The following SEMA3E variants were observed in gnomAD, a reference collection of about 807,000 sequenced individuals.
SEMA3E encodes semaphorin-3E.
SEMA3E carries 49 observed loss-of-function variants against 93.6 expected under a neutral mutation model. The observed-to-expected ratio is 0.52, with a 90% CI of 0.42 to 0.66. The LOEUF is 0.66. Ranked by LOEUF, SEMA3E falls within the 30% of genes least tolerant of loss-of-function variation. The probability of loss-of-function intolerance (pLI) is 0.00; values close to 1 mark genes in which losing one functional copy is unlikely to be tolerated. For synonymous variants in SEMA3E, 363 were observed against 330.7 expected, an observed-to-expected ratio of 1.10 and a Z score of -1.06; for missense variants, 906 against 964.8, an observed-to-expected ratio of 0.94 and a Z score of 0.81.
intron 1 of SEMA3E, among the ~76,000 whole-genome samples, chr7:83,540,129 C>T (rs544181825): frequency 7.2e-5 from 11 of 152,250 alleles, no homozygotes; most frequent in African/African-American, 2.4e-4. Flanking sequence ...TTGATCCACC[C>T]TCGTCGGCCT....
chr7:83,416,566 A>G (rs1788544494), intron 5 of SEMA3E, among the ~76,000 whole-genome samples: 1 of 152,092 alleles, frequency 6.6e-6, no homozygotes, highest in Non-Finnish European at 1.5e-5. Flanking sequence ...GAAGCAGCAT[A>G]TACTGTGTAA....
chr7:83,640,444 C>G (rs770978855), intron 1 of SEMA3E, among the ~76,000 whole-genome samples: 3 of 152,186 alleles, frequency 2.0e-5, no homozygotes, highest in Non-Finnish European at 4.4e-5. Flanking sequence ...TTCCTCTCCT[C>G]TCCAATTGCC....
chr7:83,563,584 G>C (rs545954930), intron 1 of SEMA3E, among the ~76,000 whole-genome samples: 2 of 152,284 alleles, frequency 1.3e-5, no homozygotes, highest in South Asian at 4.1e-4. Context: ...GTGGGGCCCA[G>C]CATGCTGGGT....
intron 1 of SEMA3E, among the ~76,000 whole-genome samples, chr7:83,573,455 A>G (rs1421929700): frequency 3.9e-5 from 6 of 152,116 alleles, no homozygotes; most frequent in Non-Finnish European, 7.4e-5. Flanking sequence ...AAATTTTCAT[A>G]GGAAATATTG....
intron 1 of SEMA3E, among the ~76,000 whole-genome samples, chr7:83,527,199 T>C (rs577697123): frequency 6.8e-6 from 1 of 147,782 alleles, no homozygotes; most frequent in African/African-American, 2.4e-5. Context: ...GAAAAAAAGG[T>C]TTTTTTCTCT....
At chr7:83,561,395 C>T (rs958054530) in intron 1 of SEMA3E, among the ~76,000 whole-genome samples, 4 of 152,070 alleles carry the variant, frequency 2.6e-5, no homozygotes, top group African/African-American at 9.7e-5. Flanking sequence ...TACCTATCTT[C>T]CTTCCAAAAT....
chr7:83,511,415 T>A (rs978789490), intron 1 of SEMA3E, among the ~76,000 whole-genome samples: 1 of 152,138 alleles, frequency 6.6e-6, no homozygotes, highest in African/African-American at 2.4e-5. Context: ...CCCCAATGAT[T>A]ACAGTCCTCT....
intron 16 of SEMA3E, among the ~76,000 whole-genome samples, chr7:83,384,386 C>A (rs777314546): frequency 6.6e-6 from 1 of 152,048 alleles, no homozygotes; most frequent in Non-Finnish European, 1.5e-5. Context: ...AGAGACAGGT[C>A]TCTAGAGCTT....
At chr7:83,431,085 GA>G (rs901592692) in intron 4 of SEMA3E, among the ~76,000 whole-genome samples, 2 of 4,806 alleles carry the variant, frequency 4.2e-4, no homozygotes, top group South Asian at 8.8e-3. Flanking sequence ...CCAAAAAAAA[GA>G]AAAAAAAGAA....
At chr7:83,462,497 T>TC (rs1302906565) in intron 4 of SEMA3E, among the ~76,000 whole-genome samples, 1 of 151,878 alleles carries the variant, frequency 6.6e-6, no homozygotes, top group African/African-American at 2.4e-5. Context: ...TGCTGCCTTT[T>TC]CCCCCAGTTC....
chr7:83,531,226 T>G (rs2115725986), intron 1 of SEMA3E, among the ~76,000 whole-genome samples: 1 of 151,946 alleles, frequency 6.6e-6, no homozygotes, highest in East Asian at 1.9e-4. Context: ...AGTATAAATA[T>G]TTATTTCTAC....
At chr7:83,417,836 C>G (rs997395448) in intron 5 of SEMA3E, among the ~76,000 whole-genome samples, 11 of 152,076 alleles carry the variant, frequency 7.2e-5, no homozygotes, top group African/African-American at 2.7e-4. Flanking sequence ...TTTATCAACT[C>G]ATGTCATTAT....
At chr7:83,562,257 T>C (rs988304790) in intron 1 of SEMA3E, among the ~76,000 whole-genome samples, 1 of 152,024 alleles carries the variant, frequency 6.6e-6, no homozygotes, top group African/African-American at 2.4e-5. Flanking sequence ...TTTTTTGTGA[T>C]TTTTTTCAGT....
chr7:83,374,567 A>G (rs1794795369), intron 16 of SEMA3E, among the ~76,000 whole-genome samples: 1 of 152,206 alleles, frequency 6.6e-6, no homozygotes, highest in Non-Finnish European at 1.5e-5. Flanking sequence ...AGAGCAATGT[A>G]TGCATGCTAT....
At chr7:83,620,533 A>G (rs42015) in intron 1 of SEMA3E, among the ~76,000 whole-genome samples, 43,447 of 151,856 alleles carry the variant, frequency 0.29, 6,811 homozygotes, top group South Asian at 0.35. Flanking sequence ...AATCTGGCAG[A>G]GATACAACAA....
chr7:83,600,377 T>G (rs1041016027), intron 1 of SEMA3E, among the ~76,000 whole-genome samples: 1 of 151,012 alleles, frequency 6.6e-6, no homozygotes, highest in Non-Finnish European at 1.5e-5. Context: ...TGGAGTGCAA[T>G]GGTGCTATCT....
chr7:83,419,061 C>T (rs1788620292), intron 4 of SEMA3E, among the ~76,000 whole-genome samples: 1 of 151,772 alleles, frequency 6.6e-6, no homozygotes, highest in African/African-American at 2.4e-5. Context: ...TCATCCCCCT[C>T]CAGTGGTCTC....
At chr7:83,596,050 T>C (rs556070191) in intron 1 of SEMA3E, among the ~76,000 whole-genome samples, 1 of 152,230 alleles carries the variant, frequency 6.6e-6, no homozygotes, top group South Asian at 2.1e-4. Flanking sequence ...TAATTGTAAT[T>C]ATTCTGTAAG....
intron 4 of SEMA3E, among the ~76,000 whole-genome samples, chr7:83,423,938 T>G (rs1788720344): frequency 6.6e-6 from 1 of 152,100 alleles, no homozygotes; most frequent in Admixed American, 6.6e-5. Context: ...TGTGGAAAAA[T>G]AAACTAAAAA....
Sources: allele counts gnomAD v4.1 joint callset (sites outside exome capture counted in the v4.1 genomes callset), GRCh38; gene constraint gnomAD v4.1.1; transcripts MANE v1.5; gene names NCBI Gene and HGNC (gene_info 2026-07-23, HGNC 2026-07-21).